DENND2B: variants seen among roughly 807,000 people sequenced by gnomAD.
The protein encoded by DENND2B is DENN domain-containing protein 2B.
Under a neutral mutation model 116.0 loss-of-function variants are expected in DENND2B, and 32 were observed. The ratio of observed to expected loss-of-function variants is 0.28; its 90% CI spans 0.21 to 0.37. The LOEUF (loss-of-function observed/expected upper bound fraction) is 0.37. Among genes scored for constraint, DENND2B ranks in the 10% least tolerant of loss-of-function variants. DENND2B has a pLI of 1.00. For missense variants in DENND2B, 1,276 were observed against 1,477.7 expected, an observed-to-expected ratio of 0.86 and a Z score of 2.24; for synonymous variants, 588 against 583.9, an observed-to-expected ratio of 1.01 and a Z score of -0.10.
At chr11:8,864,087 T>C (rs953647134) in intron 2 of DENND2B, among the ~76,000 whole-genome samples, 2 of 151,934 alleles carry the variant, frequency 1.3e-5, no homozygotes, top group African/African-American at 4.8e-5. Flanking sequence ...ATAGAAAAAA[T>C]AACTGACTAG....
intron 1 of DENND2B, among the ~76,000 whole-genome samples, chr11:8,905,369 T>G (rs1329516112): frequency 6.6e-6 from 1 of 152,106 alleles, no homozygotes; most frequent in Non-Finnish European, 1.5e-5. Context: ...GACCCTTACC[T>G]CATAATGCAC....
At position 8,759,490 on chromosome 11, in the gene DENND2B, A is replaced by T. The variant is rs577390707; in HGVS notation, c.-25-8765T>A. ...CCCGAAAATAGGAAACCTCTCAACC[A>T]CATGAGAGAATTTCTGCTACATCTA... is the stretch of plus-strand genomic sequence containing the variant. On this transcript the variant is annotated intron_variant, in intron 1 of 19. Transcript: ENST00000313726. 3.9e-5 allele frequency among the ~76,000 whole-genome samples: 6 copies of T among 152,232 alleles called. No individual in the cohort carries two copies. The South Asian group carries it at 1.2e-3, about 32-fold the overall frequency.
chr11:8,768,392 G>A (rs2056269279), intron 1 of DENND2B, among the ~76,000 whole-genome samples: 1 of 152,092 alleles, frequency 6.6e-6, no homozygotes, highest in Admixed American at 6.6e-5. Flanking sequence ...GACTACAGGT[G>A]CATGTAACCA....
At chr11:8,718,012 C>T (rs1441106030) in intron 4 of DENND2B, 120 bp from the exon 5 acceptor site, 9 of 1,175,186 alleles carry the variant, frequency 7.7e-6, no homozygotes, top group Admixed American at 2.5e-5. Context: ...TCTGCCTGGC[C>T]CCTCAGCTCA....
At chr11:8,798,854 T>C (rs2060059712) in intron 1 of DENND2B, among the ~76,000 whole-genome samples, 1 of 142,002 alleles carries the variant, frequency 7.0e-6, no homozygotes, top group Admixed American at 7.4e-5. Flanking sequence ...TTAGACGGAG[T>C]TTCACTCTTG....
rs577294394 is a variant in DENND2B, at chr11:8,853,167, C to T, written c.-156+4176G>A. ...TCACCTGAGGTCAGAAGTTCGAGACCGGCCTGGCCAACATGGTAAACCCCG... is the reference window on the plus strand; with the variant it reads ...TCACCTGAGGTCAGAAGTTCGAGACTGGCCTGGCCAACATGGTAAACCCCG... On this transcript the variant is annotated intron_variant, in intron 3 of 6. Transcript: ENST00000524757. Among the ~76,000 whole-genome samples, 4 of 152,152 alleles carry T rather than the reference C, an allele frequency of 2.6e-5. No individual in the cohort carries two copies. In the South Asian group the frequency reaches 8.3e-4, roughly 32 times the overall value.
intron 1 of DENND2B, among the ~76,000 whole-genome samples, chr11:8,762,151 T>C (rs2054776069): frequency 6.6e-6 from 1 of 152,198 alleles, no homozygotes; most frequent in South Asian, 2.1e-4. Context: ...ATAGCTCCCA[T>C]TACTCAAAGT....
At chr11:8,723,018 C>T (rs1456937400) in intron 4 of DENND2B, among the ~76,000 whole-genome samples, 1 of 152,176 alleles carries the variant, frequency 6.6e-6, no homozygotes, top group Non-Finnish European at 1.5e-5. Flanking sequence ...TTTAACTCCT[C>T]ATGCAACACC....
At chr11:8,847,841 T>G (rs1450809106) in intron 3 of DENND2B, among the ~76,000 whole-genome samples, 1 of 152,090 alleles carries the variant, frequency 6.6e-6, no homozygotes, top group African/African-American at 2.4e-5. Context: ...CAATAAAAGA[T>G]TCAAAGCATG....
At chr11:8,772,868 T>G (rs375488768) in intron 1 of DENND2B, among the ~76,000 whole-genome samples, 2 of 152,086 alleles carry the variant, frequency 1.3e-5, no homozygotes, top group African/African-American at 4.8e-5. Context: ...ACTCCTTGGG[T>G]ATGCTTACAG....
chr11:8,731,107 G>A lies in DENND2B; in HGVS notation c.183C>T (p.Ser61=). The A allele has an allele frequency of 6.2e-7, 1 of 1,605,652 alleles. No individual in the cohort carries two copies. Residue 61 remains serine (S), a synonymous_variant, in exon 3 of 20, where the codon TCC becomes TCT. Coordinates refer to ENST00000313726, the MANE Select transcript of DENND2B (RefSeq NM_213618.2). ...GGTCCTTGAGGAGCACCCGGGAGCT[G>A]GAGTGGCTGGGGTACCTGCAGGCTG... ...ETSACRYPSH[S]SSRVLLKDRH...
At position 8,718,468 on chromosome 11, in the gene DENND2B, T is replaced by G. The variant is rs777434401; in HGVS notation, c.1478-576A>C. 341 of 1,494,186 alleles carry G rather than the reference T, an allele frequency of 2.3e-4. 1 individual carries two copies. The highest frequency in any genetic ancestry group is 2.9e-4 in the Non-Finnish European group (323 of 1,123,708). 92.6% of individuals were successfully genotyped at this position (1,494,186 alleles called of 1,614,324 possible). A position where few individuals can be genotyped will look rare whatever the true frequency, so the allele number is the denominator to read the frequency against. On this transcript the variant is annotated intron_variant, in intron 4 of 19. Transcript: ENST00000313726. ...ACAAGTCTTTTAGGGCAGGGTTTTG[T>G]GTTGTTCACTGAGGCAACCTCGGAA...
At position 8,712,355 on chromosome 11, in the gene DENND2B, T is replaced by C. The variant is rs967781492; in HGVS notation, c.2172+196A>G. On this transcript the variant is annotated intron_variant, in intron 9 of 19. Transcript: ENST00000313726. The surrounding 1 kb of genome is among the most constrained non-coding windows in gnomAD (Gnocchi z 4.4). ...AGGTTCTTTCTTAGTCCTCATCCTT[T>C]GAACAAGCACTGGCCCAAACCCACC... Among the ~76,000 whole-genome samples, 5 of 152,198 alleles carry C rather than the reference T, an allele frequency of 3.3e-5. No individual in the cohort carries two copies. The highest frequency in any genetic ancestry group is 1.2e-4 in the African/African-American group (5 of 41,438).
intron 2 of DENND2B, among the ~76,000 whole-genome samples, chr11:8,867,027 C>T (rs781528422): frequency 2.6e-5 from 4 of 152,144 alleles, no homozygotes; most frequent in Non-Finnish European, 4.4e-5. Context: ...TAAAAGAAAA[C>T]TTCTTTAGTT....
chr11:8,823,536 G>C (rs2061846609), intron 4 of DENND2B, among the ~76,000 whole-genome samples: 1 of 152,186 alleles, frequency 6.6e-6, no homozygotes, highest in Non-Finnish European at 1.5e-5. Context: ...GAAGTGATTA[G>C]GTCATGGGGG....
In DENND2B at chr11:8,730,204, G is replaced by C. The variant is rs148456647; in HGVS notation, c.1086C>G (p.Pro362=). ...PEREGSGSTK[P]GTPGNSPSSQ... ...AGCTAGGGCTATTTCCAGGGGTCCC[G>C]GGCTTAGTGGAACCACTGCCTTCCC... The change falls in exon 3 of 20, where the codon CCC becomes CCG. Residue 362 remains proline, a synonymous_variant. Transcript: ENST00000313726. The surrounding 1 kb of genome is among the most constrained non-coding windows in gnomAD (Gnocchi z 4.1). 158 of 1,613,356 alleles carry C rather than the reference G, an allele frequency of 9.8e-5. No individual in the cohort carries two copies. Among genetic ancestry groups the C allele is most frequent in the Non-Finnish European group, 1.3e-4 (150 of 1,179,622 alleles).
intron 4 of DENND2B, among the ~76,000 whole-genome samples, chr11:8,821,452 G>C (rs1290941367): frequency 1.3e-5 from 2 of 150,760 alleles, no homozygotes; most frequent in African/African-American, 4.9e-5. Flanking sequence ...ATTAGCACAA[G>C]CCTGTAGTCC....
intron 1 of DENND2B, among the ~76,000 whole-genome samples, chr11:8,882,757 G>T (rs577474695): frequency 6.6e-6 from 1 of 152,320 alleles, no homozygotes; most frequent in South Asian, 2.1e-4. Context: ...GGAGGCCAAG[G>T]TGAGTGGACT....
intron 18 of DENND2B, chr11:8,695,793 G>GTGA: frequency 1.8e-6 from 1 of 542,276 alleles, no homozygotes; most frequent in Non-Finnish European, 3.3e-6. Context: ...GCTGCACTAG[G>GTGA]TGAGGAGGCT....
Sources: allele counts gnomAD v4.1 joint callset (sites outside exome capture counted in the v4.1 genomes callset), GRCh38; gene constraint gnomAD v4.1.1; non-coding constraint Gnocchi (gnomAD v3.1); transcripts MANE v1.5; gene names NCBI Gene and HGNC (gene_info 2026-07-23, HGNC 2026-07-21).